RBFOX3: variants seen among roughly 807,000 people sequenced by gnomAD.
RBFOX3 encodes RNA binding fox-1 homolog 3, also known as RNA binding protein fox-1 homolog 3.
Under a neutral mutation model 48.7 loss-of-function variants are expected in RBFOX3, and 17 were observed. That is an observed-to-expected ratio of 0.35 (90% CI 0.24 to 0.52). The LOEUF (loss-of-function observed/expected upper bound fraction) is 0.52. Among genes scored for constraint, RBFOX3 ranks in the 20% least tolerant of loss-of-function variants. The pLI, the probability that RBFOX3 is intolerant of heterozygous loss-of-function variation, is 0.94. For synonymous variants in RBFOX3, 212 were observed against 209.5 expected, an observed-to-expected ratio of 1.01 and a Z score of -0.10; for missense variants, 382 against 497.5, an observed-to-expected ratio of 0.77 and a Z score of 2.21.
chr17:79,417,588 T>G (rs1433317224), intron 2 of RBFOX3, among the ~76,000 whole-genome samples: 1 of 151,932 alleles, frequency 6.6e-6, no homozygotes, highest in East Asian at 1.9e-4. Context: ...TTGGCGAGGG[T>G]GTGGGGAAGT....
intron 1 of RBFOX3, among the ~76,000 whole-genome samples, chr17:79,555,029 C>A (rs1205083468): frequency 3.3e-5 from 5 of 152,296 alleles, no homozygotes; most frequent in African/African-American, 9.6e-5. Flanking sequence ...GGCAGGGCAG[C>A]CAGAACACAG....
intron 3 of RBFOX3, among the ~76,000 whole-genome samples, chr17:79,250,314 G>C (rs751432719): frequency 6.6e-5 from 10 of 152,190 alleles, no homozygotes; most frequent in Non-Finnish European, 1.0e-4. Context: ...AGTTGGGTTT[G>C]TTTAATAATA....
At chr17:79,527,420 C>T (rs944777038) in intron 1 of RBFOX3, among the ~76,000 whole-genome samples, 4 of 152,216 alleles carry the variant, frequency 2.6e-5, no homozygotes, top group Admixed American at 2.6e-4. Flanking sequence ...AAAAAAGAAC[C>T]TGGGGGAGCA....
At chr17:79,165,221 A>T (rs1192443928) in intron 4 of RBFOX3, among the ~76,000 whole-genome samples, 3 of 152,166 alleles carry the variant, frequency 2.0e-5, no homozygotes, top group Non-Finnish European at 4.4e-5. Context: ...TGAGCCATTC[A>T]AATATTTATC....
At chr17:79,556,497 G>A (rs1044198983) in intron 1 of RBFOX3, among the ~76,000 whole-genome samples, 1 of 152,166 alleles carries the variant, frequency 6.6e-6, no homozygotes, top group Admixed American at 6.5e-5. Flanking sequence ...GGAGCTGTTG[G>A]GGAGGAAGTG....
intron 14 of RBFOX3, chr17:79,094,156 G>C (rs1246943387): frequency 2.5e-6 from 1 of 403,458 alleles, no homozygotes; most frequent in Non-Finnish European, 4.4e-6. Flanking sequence ...GGGCCTCAAC[G>C]GGACTTTATT....
intron 1 of RBFOX3, among the ~76,000 whole-genome samples, chr17:79,548,647 A>G (rs1193735213): frequency 6.6e-6 from 1 of 152,338 alleles, no homozygotes; most frequent in Middle Eastern, 3.4e-3. Flanking sequence ...ATCAGGGGAC[A>G]TTCCAGCCTG....
intron 6 of RBFOX3, among the ~76,000 whole-genome samples, chr17:79,106,279 A>G (rs2077349541): frequency 1.3e-5 from 2 of 152,264 alleles, no homozygotes; most frequent in South Asian, 4.1e-4. Flanking sequence ...ATGTGGGAAC[A>G]GGGCGGTCAT....
chr17:79,212,226 C>A lies in RBFOX3; in HGVS notation c.-34+23540G>T, dbSNP rs765097375. On this transcript the variant is annotated intron_variant, in intron 4 of 14. Coordinates refer to ENST00000693108, the MANE Select transcript of RBFOX3 (RefSeq NM_001350451.2). This position sits in a 1 kb window ranked among gnomAD's most constrained non-coding sequence, Gnocchi z 4.7. ...AGGAAAACCTTCAAACTCTAGACAC[C>A]CTTGGCCACCCGCTGCCCTGGGTTC... 6.6e-6 allele frequency among the ~76,000 whole-genome samples: 1 copy of A among 152,170 alleles called. No homozygotes were observed. The highest frequency in any genetic ancestry group is 1.5e-5 in the Non-Finnish European group (1 of 68,016).
At chr17:79,395,291 C>T (rs2061852050) in intron 2 of RBFOX3, among the ~76,000 whole-genome samples, 1 of 152,250 alleles carries the variant, frequency 6.6e-6, no homozygotes, top group Admixed American at 6.5e-5. Context: ...GGCTCCCTGC[C>T]TGGGAGGACC....
intron 2 of RBFOX3, among the ~76,000 whole-genome samples, chr17:79,378,759 T>G (rs1006340775): frequency 6.6e-6 from 1 of 152,258 alleles, no homozygotes; most frequent in Non-Finnish European, 1.5e-5. Flanking sequence ...CAGTAGGGGC[T>G]AATGGATAAC....
At chr17:79,506,749 G>C (rs1555778915) in intron 1 of RBFOX3, among the ~76,000 whole-genome samples, 1 of 152,210 alleles carries the variant, frequency 6.6e-6, no homozygotes, top group Non-Finnish European at 1.5e-5. Context: ...TGGGAGACAG[G>C]ACCAAAGCAC....
intron 1 of RBFOX3, among the ~76,000 whole-genome samples, chr17:79,559,606 T>A (rs2092044303): frequency 9.5e-6 from 1 of 105,620 alleles, no homozygotes; most frequent in East Asian, 3.1e-4. Context: ...GAGTGATGAG[T>A]GAATAGGTAG....
chr17:79,358,710 C>G (rs113656403), intron 2 of RBFOX3, among the ~76,000 whole-genome samples: 22,161 of 152,224 alleles, frequency 0.15, 1,886 homozygotes, highest in Middle Eastern at 0.22. Context: ...ATCTGCCTGT[C>G]TTGGCCTCCC....
chr17:79,247,620 G>T (rs548374027), intron 3 of RBFOX3, among the ~76,000 whole-genome samples: 12 of 152,100 alleles, frequency 7.9e-5, no homozygotes, highest in Non-Finnish European at 1.2e-4. Flanking sequence ...CCCCCATGTT[G>T]TTTTAATTTA....
intron 1 of RBFOX3, chr17:79,603,716 C>T (rs943081445): frequency 6.6e-6 from 1 of 152,286 alleles, no homozygotes; most frequent in Admixed American, 6.5e-5. Context: ...GCAACATGCT[C>T]GTTCCTCTAC....
At chr17:79,297,865 C>G (rs553753636) in intron 3 of RBFOX3, among the ~76,000 whole-genome samples, 1 of 152,266 alleles carries the variant, frequency 6.6e-6, no homozygotes, top group South Asian at 2.1e-4. Flanking sequence ...GCAGAAAAGC[C>G]TATTTGTCTG....
Position 79,535,603 on chromosome 17 carries a change from C to A in RBFOX3, c.-319-53005G>T, listed in dbSNP as rs540683423. On this transcript the variant is annotated intron_variant, in intron 1 of 14. Transcript: ENST00000693108. The surrounding 1 kb of genome is among the most constrained non-coding windows in gnomAD (Gnocchi z 4.5). ...GGCTTGCAGGTCTGCTGCATGGCTGCGGTCCTGGCCAGACCACATTCTGGG... is the reference window on the plus strand; with the variant it reads ...GGCTTGCAGGTCTGCTGCATGGCTGAGGTCCTGGCCAGACCACATTCTGGG... 1.3e-5 allele frequency among the ~76,000 whole-genome samples: 2 copies of A among 152,188 alleles called. No homozygotes were observed. The highest frequency in any genetic ancestry group is 1.9e-4 in the East Asian group (1 of 5,194).
chr17:79,140,629 C>A lies in RBFOX3; in HGVS notation c.-33-24881G>T, dbSNP rs569487231. ...CCCACAGCTCGGAAGCACAGCATGACAGACCAACCCAGGCGTGTGCCACAG... is the reference window on the plus strand; with the variant it reads ...CCCACAGCTCGGAAGCACAGCATGAAAGACCAACCCAGGCGTGTGCCACAG... On this transcript the variant is annotated intron_variant, in intron 4 of 14. Transcript: ENST00000693108. 2.6e-5 allele frequency among the ~76,000 whole-genome samples: 4 copies of A among 152,358 alleles called. No homozygotes were observed. The East Asian group carries it at 7.7e-4, about 29-fold the overall frequency.
Sources: gnomAD v4.1 joint callset for allele counts (sites outside exome capture counted in the v4.1 genomes callset) on GRCh38, gnomAD v4.1.1 for gene constraint, Gnocchi (gnomAD v3.1) non-coding constraint, MANE v1.5 for transcripts, NCBI Gene and HGNC (gene_info 2026-07-23, HGNC 2026-07-21) for gene names.